Variants in MYMK observed in about 807,000 individuals in gnomAD.
The protein encoded by MYMK is myomaker, myoblast fusion factor.
MYMK carries 16 observed loss-of-function variants against 22.4 expected under a neutral mutation model. The observed-to-expected ratio is 0.72, with a 90% CI of 0.48 to 1.09. The LOEUF is 1.09. MYMK is among the 50% of genes least tolerant of loss of function. The pLI is 0.00. For synonymous variants in MYMK, 125 were observed against 127.0 expected (o/e 0.98, Z 0.11); for missense variants, 250 against 295.6 (o/e 0.85, Z 1.13).
At chr9:133,524,215 G>A (rs1301506066) in intron 1 of MYMK, among the ~76,000 whole-genome samples, 1 of 151,962 alleles carries the variant, frequency 6.6e-6, no homozygotes, top group Non-Finnish European at 1.5e-5. Context: ...CTGAACCAGA[G>A]CAGCTCCAGG....
At chr9:133,519,065 C>T (rs768216764) in intron 2 of MYMK, 43 bp from the exon 3 acceptor site, 10 of 1,609,904 alleles carry the variant, frequency 6.2e-6, no homozygotes, top group Non-Finnish European at 8.5e-6. Flanking sequence ...AGTGGTCTCT[C>T]TTGCTCCTCC....
In MYMK at chr9:133,520,182, G is replaced by T; in HGVS notation, c.242C>A (p.Ser81Ter). The T allele has an allele frequency of 6.2e-7, 1 of 1,613,712 alleles. No individual in the cohort carries two copies. The highest frequency in any genetic ancestry group is 8.5e-7 in the Non-Finnish European group (1 of 1,179,702). The change falls in exon 2 of 5, where the codon TCG becomes TAG. Residue 81 changes from serine (S) to a stop codon, truncating the protein, a stop_gained. Transcript: ENST00000339996. LOFTEE classifies it high-confidence loss of function. ...AGGGGTTGACCACTCACCCATCAGC[G>T]AGACCCACATGCTCAGGGCTGTCCC... Reference protein sequence around the residue: ...VYGTALSMWVSLMALADFDEP... With the variant: ...VYGTALSMWV
At chr9:133,521,554 G>A (rs75433396) in intron 1 of MYMK, among the ~76,000 whole-genome samples, 1,622 of 152,272 alleles carry the variant, frequency 0.011, 31 homozygotes, top group African/African-American at 0.036. Flanking sequence ...GGGAGGCGGC[G>A]GTCCTGCTTC....
At chr9:133,520,367 T>C in intron 1 of MYMK, 79 bp from the exon 2 acceptor site, 1 of 1,118,672 alleles carries the variant, frequency 8.9e-7, no homozygotes, top group Admixed American at 1.9e-5. Flanking sequence ...GAGTGCCAGG[T>C]CACTTGCTGG....
intron 4 of MYMK, among the ~76,000 whole-genome samples, 189 bp from the exon 5 acceptor site, chr9:133,514,974 G>A (rs183601758): frequency 8.4e-4 from 128 of 152,280 alleles, no homozygotes; most frequent in Non-Finnish European, 1.4e-3. Context: ...GTGAGGGCCT[G>A]TGCCATCCTC....
intron 1 of MYMK, among the ~76,000 whole-genome samples, chr9:133,524,280 C>G (rs1421496123): frequency 1.3e-5 from 2 of 152,184 alleles, no homozygotes; most frequent in Non-Finnish European, 2.9e-5. Flanking sequence ...ACCCTGCAGA[C>G]CCCTTCCCAG....
chr9:133,519,853 C>T (rs1431047669), intron 2 of MYMK, among the ~76,000 whole-genome samples: 1 of 152,208 alleles, frequency 6.6e-6, no homozygotes, highest in Non-Finnish European at 1.5e-5. Flanking sequence ...AACAGCGGTC[C>T]TCCCAGGGAA....
At chr9:133,523,429 G>A (rs1844726321) in intron 1 of MYMK, among the ~76,000 whole-genome samples, 1 of 152,124 alleles carries the variant, frequency 6.6e-6, no homozygotes, top group Admixed American at 6.5e-5. Context: ...CCCAGAGCAG[G>A]TGTCATGCTG....
intron 3 of MYMK, among the ~76,000 whole-genome samples, chr9:133,516,318 G>A (rs564817651): frequency 5.4e-4 from 82 of 152,330 alleles, no homozygotes; most frequent in Non-Finnish European, 9.8e-4. Context: ...TTTTCTCCCT[G>A]AGCCTGGTCC....
intron 3 of MYMK, among the ~76,000 whole-genome samples, chr9:133,518,641 T>C (rs1333509791): frequency 1.3e-5 from 2 of 151,984 alleles, no homozygotes; most frequent in Non-Finnish European, 2.9e-5. Context: ...AGGTGAGACA[T>C]TGGGTAACTT....
In MYMK at chr9:133,523,682, GGAGAGAGA is replaced by G. The variant is rs35845164; in HGVS notation, c.135+1020_135+1027del. ...TGGATGCGTAGATAGAGAGATAGAT[GGAGAGAGA>G]GAGAGAGAGAGAGAGAGAGAGAGAG... On this transcript the variant is annotated intron_variant, in intron 1 of 4. Coordinates refer to ENST00000339996, the MANE Select transcript of MYMK (RefSeq NM_001080483.3). Among the ~76,000 whole-genome samples the G allele has an allele frequency of 8.6e-4, 105 of 121,530 alleles. 1 individual carries two copies. The South Asian group carries it at 0.013, about 14-fold the overall frequency. The allele number at this position is 121,530 out of a possible 152,430, so 79.7% of individuals were successfully genotyped here.
intron 1 of MYMK, among the ~76,000 whole-genome samples, chr9:133,522,527 G>A (rs184132162): frequency 1.3e-4 from 20 of 152,278 alleles, no homozygotes; most frequent in African/African-American, 4.8e-4. Context: ...TTCAGAAGAC[G>A]TTTGTCACAA....
At chr9:133,517,453 G>A (rs1438683647) in intron 3 of MYMK, among the ~76,000 whole-genome samples, 2 of 152,198 alleles carry the variant, frequency 1.3e-5, no homozygotes, top group African/African-American at 2.4e-5. Context: ...ATTACCTGAA[G>A]TCAGGAGCTC....
Position 133,520,002 on chromosome 9 carries a change from T to G in MYMK, c.250+172A>C, listed in dbSNP as rs188397696. Among the ~76,000 whole-genome samples the G allele has an allele frequency of 4.6e-5, 7 of 152,336 alleles. No individual in the cohort carries two copies. The East Asian group carries it at 1.4e-3, about 29-fold the overall frequency. On this transcript the variant is annotated intron_variant, in intron 2 of 4. Transcript: ENST00000339996. ...ATCAGGGCATTTAAGAGGTGCATATTCTTTTTCATAGATTAAGCACAACCC... is the reference window on the plus strand; with the variant it reads ...ATCAGGGCATTTAAGAGGTGCATATGCTTTTTCATAGATTAAGCACAACCC...
chr9:133,520,641 A>G (rs9802318), intron 1 of MYMK, among the ~76,000 whole-genome samples: 114,989 of 152,032 alleles, frequency 0.76, 43,954 homozygotes, highest in African/African-American at 0.83. Context: ...GGTCTCCGGG[A>G]GGGACCCTAC....
intron 3 of MYMK, among the ~76,000 whole-genome samples, chr9:133,516,579 G>A (rs1419433915): frequency 1.3e-5 from 2 of 152,226 alleles, no homozygotes; most frequent in Non-Finnish European, 2.9e-5. Context: ...GGTCAGGTCA[G>A]GTTTTGCCAC....
intron 1 of MYMK, among the ~76,000 whole-genome samples, chr9:133,523,684 A>AGAGACT (rs1844730513): frequency 1.4e-5 from 1 of 71,098 alleles, no homozygotes; most frequent in South Asian, 4.2e-4. Flanking sequence ...AGATAGATGG[A>AGAGACT]GAGAGAGAGA....
intron 2 of MYMK, among the ~76,000 whole-genome samples, chr9:133,519,581 C>T (rs1331228087): frequency 6.6e-6 from 1 of 152,128 alleles, no homozygotes; most frequent in Admixed American, 6.5e-5. Flanking sequence ...AATCACTATG[C>T]AAAGTGAATA....
At position 133,514,703 on chromosome 9, in the gene MYMK, T is replaced by C; in HGVS notation, c.599A>G (p.Lys200Arg). 1 of 1,614,064 alleles carries C rather than the reference T, an allele frequency of 6.2e-7. No homozygotes were observed. Among genetic ancestry groups the C allele is most frequent in the Non-Finnish European group, 8.5e-7 (1 of 1,179,920 alleles). Residue 200 changes from lysine to arginine, a missense_variant, in exon 5 of 5, where the codon AAG becomes AGG. Coordinates refer to ENST00000339996, the MANE Select transcript of MYMK (RefSeq NM_001080483.3). ...CGGGGTCCCCGGGGATCCAGCCTTC[T>C]TGTTGACCTTGGGCAGCAGCAGAAC... Reference protein sequence around the residue: ...SFVLLLPKVNKKAGSPGTPAK... With the variant: ...SFVLLLPKVNRKAGSPGTPAK...
Sources: allele counts gnomAD v4.1 joint callset (sites outside exome capture counted in the v4.1 genomes callset), GRCh38; gene constraint gnomAD v4.1.1; transcripts MANE v1.5; gene names NCBI Gene and HGNC (gene_info 2026-07-23, HGNC 2026-07-21).